Variants in ZNF682 observed in about 807,000 individuals in gnomAD.
ZNF682 encodes the protein zinc finger protein 682.
ZNF682 carries 29 observed loss-of-function variants against 36.5 expected under a neutral mutation model. The ratio of observed to expected loss-of-function variants is 0.80; its 90% confidence interval spans 0.59 to 1.08. The LOEUF (loss-of-function observed/expected upper bound fraction) is 1.08, where lower values mean the gene tolerates loss of function less well. Among genes scored for constraint, ZNF682 ranks in the 50% least tolerant of loss-of-function variants. The probability of loss-of-function intolerance (pLI) is 0.00; values close to 1 mark genes in which losing one functional copy is unlikely to be tolerated. For synonymous variants in ZNF682, 180 were observed against 197.0 expected (o/e 0.91, Z 0.72); for missense variants, 561 against 579.7 (o/e 0.97, Z 0.33).
At position 20,006,791 on chromosome 19, in the gene ZNF682, A is replaced by T; in HGVS notation, c.711T>A (p.Ala237=). The T allele has an allele frequency of 6.2e-7, 1 of 1,613,890 alleles. No individual in the cohort carries two copies. The part of the protein sequence containing the change: ...KPYKCEECGK[A]FNWCSSLTKH... ...TAGTAAGACTCGAGCACCAGTTAAA[A>T]GCTTTGCCACATTCTTCACATTTGT... is the stretch of plus-strand genomic sequence containing the variant. Residue 237 remains alanine, a synonymous_variant, in exon 4 of 4, where the codon GCT becomes GCA. Coordinates refer to ENST00000397165, the MANE Select transcript of ZNF682 (RefSeq NM_033196.3).
chr19:19,995,322 C>T (rs374117318), downstream of ZNF682, among the ~76,000 whole-genome samples: 1 of 152,272 alleles, frequency 6.6e-6, no homozygotes, highest in East Asian at 1.9e-4. Context: ...GAAGAAACAA[C>T]CTGGGCTCCA....
intron 1 of ZNF682, 188 bp from the exon 2 acceptor site, chr19:20,024,564 T>G: frequency 1.4e-6 from 1 of 702,592 alleles, no homozygotes; most frequent in South Asian, 3.1e-5. Context: ...GTGGCCAGGT[T>G]CGGTGGCTCA....
chr19:20,023,295 G>A (rs1377648987), intron 2 of ZNF682, among the ~76,000 whole-genome samples, 196 bp from the exon 3 acceptor site: 3 of 152,120 alleles, frequency 2.0e-5, no homozygotes, highest in Non-Finnish European at 2.9e-5. Flanking sequence ...TCAGGAGATC[G>A]AGACCATCCT....
intron 1 of ZNF682, among the ~76,000 whole-genome samples, chr19:20,035,825 TC>T (rs2088524487): frequency 6.6e-6 from 1 of 151,920 alleles, no homozygotes; most frequent in East Asian, 1.9e-4. Context: ...AACCTCTGCC[TC>T]CCAGGTTCAG....
At chr19:19,997,118 T>C (rs2088132874) in exon 4 of ZNF682, 1 of 395,518 alleles carries the variant, frequency 2.5e-6, no homozygotes, top group East Asian at 3.6e-5. Context: ...AGCCAGTGCA[T>C]GCACTCCTCT....
chr19:20,000,429 A>T (rs534067045), downstream of ZNF682, among the ~76,000 whole-genome samples: 9 of 152,326 alleles, frequency 5.9e-5, 1 homozygote, highest in African/African-American at 2.2e-4. Flanking sequence ...GCACCCACAG[A>T]TAACAGGGCA....
Position 20,007,264 on chromosome 19 carries a change from G to A in ZNF682, c.238C>T (p.His80Tyr). 2 of 1,603,510 alleles carry A rather than the reference G, an allele frequency of 1.2e-6. No homozygotes were observed. The highest frequency in any genetic ancestry group is 2.2e-5 in the East Asian group (1 of 44,754). ...TIAKPPAMSS[H>Y]YTEDLLPEQC... ...TCTGGCAAAAGGTCTTCAGTGTAAT[G>A]AGAAGACATAGCTGAAATATGAAAT... is the stretch of plus-strand genomic sequence containing the variant. The change falls in exon 4 of 4, where the codon CAT (histidine) becomes TAT (tyrosine). Residue 80 changes from histidine (H) to tyrosine (Y), a missense_variant. Transcript: ENST00000397165.
At chr19:20,002,734 GTTCAC>G (rs1366908869), downstream of ZNF682, among the ~76,000 whole-genome samples, 4 of 152,014 alleles carry the variant, frequency 2.6e-5, no homozygotes, top group East Asian at 7.7e-4. Context: ...TTCTGTGTTT[GTTCAC>G]TTCATTTATG....
intron 3 of ZNF682, 57 bp from the exon 4 acceptor site, chr19:20,007,332 T>C (rs752915245): frequency 1.1e-4 from 164 of 1,432,006 alleles, no homozygotes; most frequent in Non-Finnish European, 1.3e-4. Flanking sequence ...CAGATACATA[T>C]ACTTTACAAA....
intron 1 of ZNF682, chr19:20,039,127 G>T: frequency 1.4e-5 from 20 of 1,393,620 alleles, no homozygotes; most frequent in Non-Finnish European, 1.9e-5. Context: ...CGGGAAGCGG[G>T]AGAACGGAAC....
intron 1 of ZNF682, among the ~76,000 whole-genome samples, chr19:20,024,705 G>A (rs1321933840): frequency 6.6e-6 from 1 of 152,154 alleles, no homozygotes; most frequent in Non-Finnish European, 1.5e-5. Context: ...GGGTGTGGTG[G>A]TGCACGCCTG....
At chr19:20,025,742 T>C (rs1019224270) in intron 1 of ZNF682, among the ~76,000 whole-genome samples, 1 of 151,382 alleles carries the variant, frequency 6.6e-6, no homozygotes, top group African/African-American at 2.4e-5. Flanking sequence ...ATGTACAGTG[T>C]CAACACACAT....
At chr19:20,013,349 A>C (rs2088307216) in intron 3 of ZNF682, among the ~76,000 whole-genome samples, 1 of 152,136 alleles carries the variant, frequency 6.6e-6, no homozygotes, top group African/African-American at 2.4e-5. Context: ...AACATTAACA[A>C]AATTGAAGAA....
In ZNF682 at chr19:20,005,646, A is replaced by G. The variant is rs1483637631; in HGVS notation, c.*359T>C. 4.9e-6 allele frequency: 1 copy of G among 204,364 alleles called. No individual in the cohort carries two copies. Among genetic ancestry groups the G allele is most frequent in the African/African-American group, 2.3e-5 (1 of 42,940 alleles). 12.7% of individuals were successfully genotyped at this position (204,364 alleles called of 1,614,324 possible). A position where few individuals can be genotyped will look rare whatever the true frequency, so the allele number is the denominator to read the frequency against. On this transcript the variant is annotated 3_prime_UTR_variant, in exon 4 of 4. Transcript: ENST00000397165. ...GTCTTTCCATGTACAAATGTAATGT[A>G]TCACTATCATTACACCTTGTGTACT...
At chr19:19,997,505 A>G (rs1304937821) in intron 3 of ZNF682, among the ~76,000 whole-genome samples, 1 of 152,214 alleles carries the variant, frequency 6.6e-6, no homozygotes, top group Non-Finnish European at 1.5e-5. Context: ...CCCCAGAGGC[A>G]TCTTGGGTAG....
downstream of ZNF682, among the ~76,000 whole-genome samples, chr19:19,995,971 C>T (rs928774337): frequency 6.6e-6 from 1 of 152,176 alleles, no homozygotes; most frequent in African/African-American, 2.4e-5. Flanking sequence ...CATGGGGTTG[C>T]CATGGGCCCC....
intron 1 of ZNF682, among the ~76,000 whole-genome samples, chr19:20,038,629 CA>C (rs2088555291): frequency 9.3e-6 from 1 of 108,098 alleles, no homozygotes; most frequent in Non-Finnish European, 2.0e-5. Flanking sequence ...AAAAAAAAAT[CA>C]AAGGCAAATA....
chr19:19,995,184 CAAAT>C (rs1249263154), downstream of ZNF682, among the ~76,000 whole-genome samples: 6 of 151,996 alleles, frequency 3.9e-5, no homozygotes, highest in African/African-American at 9.7e-5. Flanking sequence ...ATATAATAAA[CAAAT>C]AATATAATAA....
At position 20,032,309 on chromosome 19, in the gene ZNF682, T is replaced by C. The variant is rs148720831; in HGVS notation, c.3+7034A>G. Among the ~76,000 whole-genome samples, 777 of 152,352 alleles carry C rather than the reference T, an allele frequency of 5.1e-3. 2 individuals carry two copies. The highest frequency in any genetic ancestry group is 5.7e-3 in the Non-Finnish European group (391 of 68,034). ...ATTTTAAATTCTTAGGTCTAATCAA[T>C]GCATATGTGTAACCCTGACAGGGTT... On this transcript the variant is annotated intron_variant, in intron 1 of 3. Transcript: ENST00000397165.
Sources: gnomAD v4.1 joint callset for allele counts (sites outside exome capture counted in the v4.1 genomes callset) on GRCh38, gnomAD v4.1.1 for gene constraint, MANE v1.5 for transcripts, NCBI Gene and HGNC (gene_info 2026-07-23, HGNC 2026-07-21) for gene names.